Variants in ACER3 observed in about 807,000 individuals in gnomAD.
The protein encoded by ACER3 is alkCDase 3.
In ACER3, 16 loss-of-function variants were observed where a neutral mutation model predicts 48.9. The ratio of observed to expected loss-of-function variants is 0.33; its 90% CI spans 0.22 to 0.50. The LOEUF (loss-of-function observed/expected upper bound fraction) is 0.50, where lower values mean the gene tolerates loss of function less well. Among genes scored for constraint, ACER3 ranks in the 20% least tolerant of loss-of-function variants. The pLI is 0.98. For synonymous variants in ACER3, 109 were observed against 107.8 expected (o/e 1.01, Z -0.07); for missense variants, 227 against 326.0 (o/e 0.70, Z 2.34).
At chr11:77,006,134 C>T (rs1012915381) in intron 7 of ACER3, among the ~76,000 whole-genome samples, 9 of 150,540 alleles carry the variant, frequency 6.0e-5, no homozygotes, top group African/African-American at 1.5e-4. Flanking sequence ...GGATTACAGG[C>T]GCTGCCTCCA....
intron 4 of ACER3, 73 bp downstream of exon 4, chr11:76,976,414 C>CATTGTT: frequency 1.2e-6 from 1 of 803,536 alleles, no homozygotes; most frequent in African/African-American, 1.8e-5. Context: ...ATTAATATAA[C>CATTGTT]TGATACATTT....
intron 6 of ACER3, among the ~76,000 whole-genome samples, chr11:76,992,475 G>A (rs1349668043): frequency 6.6e-6 from 1 of 152,088 alleles, no homozygotes; most frequent in African/African-American, 2.4e-5. Context: ...CACTAATGAA[G>A]ATTTTCTTCC....
intron 1 of ACER3, among the ~76,000 whole-genome samples, chr11:76,876,620 A>T (rs113439519): frequency 6.6e-6 from 1 of 152,194 alleles, no homozygotes; most frequent in African/African-American, 2.4e-5. Flanking sequence ...TAGTTTTATT[A>T]GATACTGCTA....
Position 77,016,778 on chromosome 11 carries a change from A to G in ACER3, c.703A>G (p.Ser235Gly). The G allele has an allele frequency of 6.4e-7, 1 of 1,561,312 alleles. No individual in the cohort carries two copies. Among genetic ancestry groups the G allele is most frequent in the South Asian group, 1.2e-5 (1 of 85,256 alleles). ...TGGTTCCTATCTTCACATCCTTTTC[A>G]GGTAGGAAATAGAGACTTTTTTAGC... ...GLGSYLHILFSLYTRTLYLRY... is the reference protein window; with the variant it reads ...GLGSYLHILFGLYTRTLYLRY... The change falls in exon 9 of 11, where the codon AGT becomes GGT. Residue 235 changes from serine to glycine, a missense_variant and splice_region_variant. This residue lies in a region of ACER3 where 195 missense variants were observed against 290.8 expected (regional missense o/e 0.67). Transcript: ENST00000532485.
intron 7 of ACER3, among the ~76,000 whole-genome samples, chr11:77,000,975 A>G (rs1193714480): frequency 2.0e-5 from 3 of 152,234 alleles, no homozygotes; most frequent in Admixed American, 6.5e-5. Context: ...TATAGGAATT[A>G]TATTAAATAT....
intron 3 of ACER3, among the ~76,000 whole-genome samples, chr11:76,973,955 T>C (rs1948373200): frequency 6.6e-6 from 1 of 152,224 alleles, no homozygotes; most frequent in African/African-American, 2.4e-5. Flanking sequence ...TATCTAATTG[T>C]CCCAAAACCA....
At chr11:76,889,892 G>T (rs1945764426) in intron 1 of ACER3, among the ~76,000 whole-genome samples, 1 of 147,874 alleles carries the variant, frequency 6.8e-6, no homozygotes, top group African/African-American at 2.5e-5. Context: ...TTTCTTTCTT[G>T]GTTATTTTTT....
At chr11:76,956,983 A>G (rs182998500) in intron 2 of ACER3, among the ~76,000 whole-genome samples, 1 of 152,252 alleles carries the variant, frequency 6.6e-6, no homozygotes, top group Admixed American at 6.5e-5. Flanking sequence ...AAATTATTTA[A>G]TGACGCCCCT....
At chr11:76,896,213 A>G (rs937254285) in intron 1 of ACER3, among the ~76,000 whole-genome samples, 1 of 152,208 alleles carries the variant, frequency 6.6e-6, no homozygotes, top group African/African-American at 2.4e-5. Flanking sequence ...GATTATTTCA[A>G]CTGTTCAAAT....
intron 1 of ACER3, among the ~76,000 whole-genome samples, chr11:76,900,061 GC>G (rs1946041197): frequency 6.6e-6 from 1 of 152,240 alleles, no homozygotes; most frequent in Non-Finnish European, 1.5e-5. Context: ...AGGTGCAGTA[GC>G]TCATGTCTGT....
At chr11:76,980,579 G>T (rs1177145764) in intron 4 of ACER3, among the ~76,000 whole-genome samples, 1 of 152,110 alleles carries the variant, frequency 6.6e-6, no homozygotes, top group Non-Finnish European at 1.5e-5. Flanking sequence ...AGGAGGCTAA[G>T]GCAGAAGGAC....
In ACER3 at chr11:77,021,551, G is replaced by A. The variant is rs1443217455; in HGVS notation, c.*1224G>A. On this transcript the variant is annotated 3_prime_UTR_variant, in exon 11 of 11. Transcript: ENST00000532485. Reference sequence around the variant, plus strand: ...AATCTGATTTGACCCCTCTGCTCATGTTTCATCATATTTGTAGCTCTGCAT... The same window carrying A: ...AATCTGATTTGACCCCTCTGCTCATATTTCATCATATTTGTAGCTCTGCAT... 2.6e-5 allele frequency: 4 copies of A among 152,066 alleles called. No individual in the cohort carries two copies. The highest frequency in any genetic ancestry group is 9.7e-5 in the African/African-American group (4 of 41,406). The allele number at this position is 152,066 out of a possible 1,614,324, so 9.4% of individuals were successfully genotyped here. A position where few individuals can be genotyped will look rare whatever the true frequency, so the allele number is the denominator to read the frequency against.
chr11:76,890,189 T>C (rs1308811215), intron 1 of ACER3, among the ~76,000 whole-genome samples: 3 of 152,188 alleles, frequency 2.0e-5, no homozygotes, highest in Non-Finnish European at 4.4e-5. Context: ...TTACAGTGTC[T>C]AGTACATGAG....
intron 1 of ACER3, among the ~76,000 whole-genome samples, chr11:76,914,111 G>A (rs984597656): frequency 2.5e-4 from 38 of 152,134 alleles, no homozygotes; most frequent in Admixed American, 3.3e-4. Context: ...AGAAAACCTA[G>A]GCAATAGCAT....
chr11:76,975,468 C>T (rs1439859404), intron 3 of ACER3, among the ~76,000 whole-genome samples: 2 of 152,014 alleles, frequency 1.3e-5, no homozygotes, highest in African/African-American at 2.4e-5. Context: ...TGTTATTTCT[C>T]AGAGGTATAC....
chr11:76,959,192 A>C (rs1376579057), intron 3 of ACER3, 161 bp downstream of exon 3: 1 of 1,514,562 alleles, frequency 6.6e-7, no homozygotes, highest in Non-Finnish European at 8.8e-7. Flanking sequence ...GAAGTAAAGA[A>C]ATAAGCAGGT....
chr11:76,938,936 G>A (rs1051577467), intron 2 of ACER3, among the ~76,000 whole-genome samples: 3 of 140,868 alleles, frequency 2.1e-5, no homozygotes, highest in African/African-American at 2.7e-5. Context: ...TACAAGATAA[G>A]CCTGGAACAT....
At chr11:76,995,242 A>G (rs754740120) in intron 6 of ACER3, among the ~76,000 whole-genome samples, 14 of 152,116 alleles carry the variant, frequency 9.2e-5, no homozygotes, top group Non-Finnish European at 1.9e-4. Flanking sequence ...TTCAAACACA[A>G]CAAGCATGTT....
At chr11:76,924,541 A>G (rs1946766853) in intron 1 of ACER3, among the ~76,000 whole-genome samples, 1 of 151,388 alleles carries the variant, frequency 6.6e-6, no homozygotes, top group Non-Finnish European at 1.5e-5. Flanking sequence ...TTGGCTTCAG[A>G]TTTCTGAATA....
Sources: allele counts gnomAD v4.1 joint callset (sites outside exome capture counted in the v4.1 genomes callset), GRCh38; gene constraint gnomAD v4.1.1; regional missense constraint gnomAD v4.1.1; transcripts MANE v1.5; gene names NCBI Gene and HGNC (gene_info 2026-07-23, HGNC 2026-07-21).